The following SDK1 variants were observed in gnomAD, a reference collection of about 807,000 sequenced individuals.
SDK1 encodes sidekick cell adhesion molecule 1, also known as protein sidekick-1.
Under a neutral mutation model 245.5 loss-of-function variants are expected in SDK1, and 157 were observed. The observed-to-expected ratio is 0.64, with a 90% CI of 0.56 to 0.73. The LOEUF is 0.73. SDK1 is among the 30% of genes least tolerant of loss of function. SDK1 has a pLI of 0.00. For missense variants in SDK1, 3,583 were observed against 3,002.3 expected (o/e 1.19, Z -4.52); for synonymous variants, 1,647 against 1,278.5 (o/e 1.29, Z -6.15).
intron 1 of SDK1, among the ~76,000 whole-genome samples, chr7:3,363,339 T>C (rs534015091): frequency 6.2e-4 from 94 of 152,322 alleles, no homozygotes; most frequent in Admixed American, 1.4e-3. Flanking sequence ...ATGGAAACTG[T>C]GTACCACAGA....
chr7:3,963,983 C>T (rs926572014), intron 9 of SDK1, among the ~76,000 whole-genome samples: 8 of 151,088 alleles, frequency 5.3e-5, no homozygotes, highest in Non-Finnish European at 7.4e-5. Flanking sequence ...GGTACACCCA[C>T]GCCCACGGCT....
chr7:4,194,501 TTAAG>T (rs1783469085), intron 35 of SDK1, among the ~76,000 whole-genome samples: 1 of 152,062 alleles, frequency 6.6e-6, no homozygotes, highest in Non-Finnish European at 1.5e-5. Flanking sequence ...TGGGAGTTTA[TTAAG>T]TATTAACTTA....
chr7:3,408,173 G>A (rs998001257), intron 1 of SDK1, among the ~76,000 whole-genome samples: 1 of 152,022 alleles, frequency 6.6e-6, no homozygotes, highest in Non-Finnish European at 1.5e-5. Flanking sequence ...GAGTAGCTGG[G>A]ACTACAGATA....
intron 20 of SDK1, among the ~76,000 whole-genome samples, chr7:4,072,203 G>A (rs1272180660): frequency 6.6e-6 from 1 of 152,214 alleles, no homozygotes; most frequent in Non-Finnish European, 1.5e-5. Flanking sequence ...GAGCTTTCCT[G>A]GGCTGGGTGT....
chr7:3,552,547 C>A (rs150976785), intron 1 of SDK1, among the ~76,000 whole-genome samples: 358 of 152,220 alleles, frequency 2.4e-3, no homozygotes, highest in African/African-American at 8.4e-3. Flanking sequence ...ATATTTTTTC[C>A]TTGGAAATAA....
chr7:3,488,213 C>T (rs1781761669), intron 1 of SDK1, among the ~76,000 whole-genome samples: 1 of 152,140 alleles, frequency 6.6e-6, no homozygotes, highest in Non-Finnish European at 1.5e-5. Flanking sequence ...TGCCACTCCT[C>T]CTCCCCAATT....
chr7:4,062,063 C>A (rs1217336037), intron 19 of SDK1, among the ~76,000 whole-genome samples: 2 of 151,310 alleles, frequency 1.3e-5, no homozygotes, highest in Non-Finnish European at 1.5e-5. Context: ...AGCACACCAG[C>A]ATGGCACATG....
At chr7:3,582,477 A>T (rs1780535260) in intron 1 of SDK1, among the ~76,000 whole-genome samples, 2 of 151,910 alleles carry the variant, frequency 1.3e-5, no homozygotes, top group South Asian at 4.2e-4. Context: ...TGTCTCAGGT[A>T]GGTCTCCCTC....
At chr7:3,896,758 G>A (rs1336116551) in intron 5 of SDK1, among the ~76,000 whole-genome samples, 3 of 152,194 alleles carry the variant, frequency 2.0e-5, no homozygotes, top group Admixed American at 6.5e-5. Flanking sequence ...GAATAAATCT[G>A]ATTCCTGTTA....
chr7:3,627,137 G>A (rs1038976500), intron 2 of SDK1, among the ~76,000 whole-genome samples: 2 of 151,888 alleles, frequency 1.3e-5, no homozygotes, highest in African/African-American at 2.4e-5. Context: ...CTATGTTGCC[G>A]AGGCTCGTCT....
At position 3,437,737 on chromosome 7, in the gene SDK1, G is replaced by A. The variant is rs138820461; in HGVS notation, c.298+135853G>A. Among the ~76,000 whole-genome samples, 469 of 152,160 alleles carry A rather than the reference G, an allele frequency of 3.1e-3. 2 individuals are homozygous for A. The highest frequency in any genetic ancestry group is 0.01 in the African/African-American group (432 of 41,524). On this transcript the variant is annotated intron_variant, in intron 1 of 44. Transcript: ENST00000404826. ...GCACTCCAGCCTGGGTGACAGAGTC[G>A]GATCCTGTCTCTGCCAAAAAATTAA...
chr7:3,778,431 G>A (rs1243071224), intron 4 of SDK1, among the ~76,000 whole-genome samples: 5 of 151,806 alleles, frequency 3.3e-5, no homozygotes, highest in Admixed American at 6.6e-5. Flanking sequence ...CCATTGCACG[G>A]TTTCTTAACT....
At chr7:4,125,593 A>C (rs1584217824) in intron 25 of SDK1, among the ~76,000 whole-genome samples, 1 of 152,316 alleles carries the variant, frequency 6.6e-6, no homozygotes, top group Admixed American at 6.5e-5. Flanking sequence ...TTCCTGCTAC[A>C]GAGGTGCATG....
intron 2 of SDK1, among the ~76,000 whole-genome samples, chr7:3,619,682 G>C (rs1366524850): frequency 1.3e-5 from 2 of 152,198 alleles, no homozygotes; most frequent in African/African-American, 4.8e-5. Flanking sequence ...TGGAGATAGG[G>C]ATGGATGGAA....
rs541795596 is a variant in SDK1 at position 3,840,941 on chromosome 7, T to C, written c.847+19358T>C. On this transcript the variant is annotated intron_variant, in intron 5 of 44. Coordinates refer to ENST00000404826, the MANE Select transcript of SDK1 (RefSeq NM_152744.4). ...CACCCTAGAGAGAATCCACATCGACTTCAGATGGCTCTGAGCCTCCAGTTA... is the reference window on the plus strand; with the variant it reads ...CACCCTAGAGAGAATCCACATCGACCTCAGATGGCTCTGAGCCTCCAGTTA... Among the ~76,000 whole-genome samples, 6 of 152,290 alleles carry C rather than the reference T, an allele frequency of 3.9e-5. 1 individual carries two copies. Among genetic ancestry groups the C allele is most frequent in the African/African-American group, 9.6e-5 (4 of 41,574 alleles).
rs183519552 is a variant in SDK1, at chr7:3,447,675, C to T, written c.298+145791C>T. Among the ~76,000 whole-genome samples, 172 of 147,736 alleles carry T rather than the reference C, an allele frequency of 1.2e-3. 1 individual carries two copies. Among genetic ancestry groups the T allele is most frequent in the African/African-American group, 3.3e-3 (134 of 40,194 alleles). On this transcript the variant is annotated intron_variant, in intron 1 of 44. Coordinates refer to ENST00000404826, the MANE Select transcript of SDK1 (RefSeq NM_152744.4). ...TTTGTTTCTGTTATAAACAATGAGACGGTAAATATCTTAGCTTATATATCT... is the reference window on the plus strand; with the variant it reads ...TTTGTTTCTGTTATAAACAATGAGATGGTAAATATCTTAGCTTATATATCT...
intron 17 of SDK1, among the ~76,000 whole-genome samples, chr7:4,038,282 A>G (rs1489053574): frequency 6.6e-6 from 1 of 152,136 alleles, no homozygotes; most frequent in African/African-American, 2.4e-5. Flanking sequence ...TGGCCTCCCC[A>G]CTTCCTGGCA....
chr7:3,631,687 G>T (rs1202237), intron 2 of SDK1, among the ~76,000 whole-genome samples: 37,235 of 152,116 alleles, frequency 0.24, 5,602 homozygotes, highest in East Asian at 0.46. Flanking sequence ...AATGTTTATG[G>T]AGAATCTCTG....
At chr7:3,555,773 T>C (rs1367335358) in intron 1 of SDK1, among the ~76,000 whole-genome samples, 1 of 152,174 alleles carries the variant, frequency 6.6e-6, no homozygotes, top group Non-Finnish European at 1.5e-5. Flanking sequence ...TCTGAATAGA[T>C]ATTTTGCAAA....
Sources: gnomAD v4.1 joint callset for allele counts (sites outside exome capture counted in the v4.1 genomes callset) on GRCh38, gnomAD v4.1.1 for gene constraint, MANE v1.5 for transcripts, NCBI Gene and HGNC (gene_info 2026-07-23, HGNC 2026-07-21) for gene names.